The following EYS variants were observed in gnomAD, a reference collection of about 807,000 sequenced individuals.
The protein encoded by EYS is EGF-like photoreceptor maintenance factor, also known as protein eyes shut homolog.
Under a neutral mutation model 282.1 loss-of-function variants are expected in EYS, and 250 were observed. The ratio of observed to expected loss-of-function variants is 0.89; its 90% CI spans 0.80 to 0.98. The LOEUF is 0.98. EYS is among the 50% of genes least tolerant of loss of function. The pLI is 0.00. For missense variants in EYS, 4,016 were observed against 3,709.0 expected (o/e 1.08, Z -2.15); for synonymous variants, 1,355 against 1,282.9 (o/e 1.06, Z -1.20).
intron 22 of EYS, among the ~76,000 whole-genome samples, chr6:64,685,384 C>T (rs1234602733): frequency 1.3e-5 from 2 of 152,132 alleles, no homozygotes; most frequent in Non-Finnish European, 2.9e-5. Context: ...GTATGTTTGT[C>T]TCCTCCAAAT....
intron 7 of EYS, among the ~76,000 whole-genome samples, chr6:65,397,529 G>A (rs539110012): frequency 6.6e-6 from 1 of 151,328 alleles, no homozygotes; most frequent in African/African-American, 2.4e-5. Flanking sequence ...AGTTCCATCC[G>A]TGCTACTGCA....
At chr6:65,381,958 T>A (rs1488571283) in intron 8 of EYS, among the ~76,000 whole-genome samples, 1 of 151,970 alleles carries the variant, frequency 6.6e-6, no homozygotes, top group Non-Finnish European at 1.5e-5. Context: ...TCTCTCAATT[T>A]TTTCCATCAT....
At chr6:65,681,159 A>C (rs994427831) in intron 1 of EYS, among the ~76,000 whole-genome samples, 1 of 150,412 alleles carries the variant, frequency 6.6e-6, no homozygotes, top group Non-Finnish European at 1.5e-5. Flanking sequence ...GTAGCAAATG[A>C]GCCACAGGTT....
chr6:64,682,058 C>T (rs11969075), intron 22 of EYS, among the ~76,000 whole-genome samples: 8,383 of 152,238 alleles, frequency 0.055, 538 homozygotes, highest in African/African-American at 0.15. Context: ...AATATTCTCT[C>T]AACCCAGGCC....
chr6:64,136,085 T>C (rs1774151269), intron 31 of EYS, among the ~76,000 whole-genome samples: 1 of 151,990 alleles, frequency 6.6e-6, no homozygotes, highest in Non-Finnish European at 1.5e-5. Flanking sequence ...TATTCTATAT[T>C]CATTGTTGTT....
chr6:64,576,503 G>A (rs1765886648), intron 26 of EYS, among the ~76,000 whole-genome samples: 2 of 151,984 alleles, frequency 1.3e-5, no homozygotes, highest in East Asian at 3.9e-4. Flanking sequence ...AATACCAAAC[G>A]AACATGTTGA....
At chr6:65,656,721 G>A (rs1050759829) in intron 1 of EYS, among the ~76,000 whole-genome samples, 12 of 151,944 alleles carry the variant, frequency 7.9e-5, no homozygotes, top group Non-Finnish European at 1.5e-4. Flanking sequence ...AGAGCAGCAA[G>A]TGCTAATGTA....
intron 11 of EYS, among the ~76,000 whole-genome samples, chr6:65,318,130 G>A (rs1769364775): frequency 6.6e-6 from 1 of 150,498 alleles, no homozygotes; most frequent in African/African-American, 2.4e-5. Context: ...GCCTCCCAAA[G>A]TGCTGGGATT....
At chr6:63,978,162 A>G (rs1766929648) in intron 35 of EYS, among the ~76,000 whole-genome samples, 1 of 152,014 alleles carries the variant, frequency 6.6e-6, no homozygotes, top group South Asian at 2.1e-4. Context: ...TAGTGAATGA[A>G]TTATGTAGAA....
intron 22 of EYS, among the ~76,000 whole-genome samples, chr6:64,719,981 C>T (rs974198012): frequency 7.2e-5 from 11 of 152,138 alleles, no homozygotes; most frequent in African/African-American, 2.7e-4. Flanking sequence ...TGTTAGTGTC[C>T]TATTACTGCT....
chr6:64,617,234 C>G (rs986868389), intron 24 of EYS, among the ~76,000 whole-genome samples, 184 bp downstream of exon 24: 1 of 152,054 alleles, frequency 6.6e-6, no homozygotes, highest in Admixed American at 6.6e-5. Context: ...ACTGAGGGTG[C>G]AAGTGATGCA....
chr6:64,775,050 C>G (rs1379023271), intron 22 of EYS, among the ~76,000 whole-genome samples: 1 of 151,862 alleles, frequency 6.6e-6, no homozygotes, highest in Non-Finnish European at 1.5e-5. Context: ...CTAGAGATGT[C>G]CGTGACAGAT....
At chr6:65,618,129 C>A (rs1446791659) in intron 2 of EYS, among the ~76,000 whole-genome samples, 5 of 152,092 alleles carry the variant, frequency 3.3e-5, no homozygotes, top group African/African-American at 1.2e-4. Context: ...AATTGCCACA[C>A]TGACTTCCAC....
intron 12 of EYS, among the ~76,000 whole-genome samples, chr6:65,180,077 C>T (rs9717848): frequency 0.1 from 15,643 of 151,014 alleles, 974 homozygotes; most frequent in African/African-American, 0.17. Flanking sequence ...GAGCTATCTA[C>T]GACAAACCCA....
At chr6:63,915,195 A>T (rs2149740236) in intron 35 of EYS, among the ~76,000 whole-genome samples, 1 of 152,328 alleles carries the variant, frequency 6.6e-6, no homozygotes, top group African/African-American at 2.4e-5. Context: ...GCAGCTGGTG[A>T]CTTTAAGTTG....
At chr6:64,300,390 A>G (rs1769193033) in intron 30 of EYS, among the ~76,000 whole-genome samples, 1 of 152,200 alleles carries the variant, frequency 6.6e-6, no homozygotes. Context: ...TCTTGTATAC[A>G]AGCGACATCC....
chr6:64,620,261 C>T (rs941602552), intron 23 of EYS, among the ~76,000 whole-genome samples: 3 of 152,046 alleles, frequency 2.0e-5, no homozygotes, highest in Admixed American at 6.6e-5. Flanking sequence ...AGTTCAAGAG[C>T]CCATTGTGCT....
At chr6:64,904,925 A>G (rs535439441) in intron 16 of EYS, among the ~76,000 whole-genome samples, 1 of 152,336 alleles carries the variant, frequency 6.6e-6, no homozygotes, top group African/African-American at 2.4e-5. Flanking sequence ...AATGCAGCAG[A>G]CATTGGGAGA....
intron 26 of EYS, among the ~76,000 whole-genome samples, chr6:64,559,438 A>T (rs1289842392): frequency 6.6e-6 from 1 of 152,016 alleles, no homozygotes; most frequent in Non-Finnish European, 1.5e-5. Context: ...CTTGATTAGC[A>T]TTAAGTACTG....
Sources: allele counts gnomAD v4.1 joint callset (sites outside exome capture counted in the v4.1 genomes callset), GRCh38; gene constraint gnomAD v4.1.1; transcripts MANE v1.5; gene names NCBI Gene and HGNC (gene_info 2026-07-23, HGNC 2026-07-21).